The following GRXCR1 variants were observed in gnomAD, a reference collection of about 807,000 sequenced individuals.
GRXCR1 encodes glutaredoxin and cysteine rich domain containing 1.
In GRXCR1, 27 loss-of-function variants were observed where a neutral mutation model predicts 27.3. The observed-to-expected ratio is 0.99, with a 90% CI of 0.73 to 1.37. The LOEUF (loss-of-function observed/expected upper bound fraction) is 1.37, where lower values mean the gene tolerates loss of function less well. Ranked by LOEUF, GRXCR1 falls within the 40% of genes most tolerant of loss-of-function variation. GRXCR1 has a pLI of 0.00. For synonymous variants in GRXCR1, 122 were observed against 131.1 expected (o/e 0.93, Z 0.47); for missense variants, 379 against 354.4 (o/e 1.07, Z -0.56).
chr4:42,954,180 A>G (rs1747947664), intron 1 of GRXCR1, among the ~76,000 whole-genome samples: 1 of 152,140 alleles, frequency 6.6e-6, no homozygotes. Flanking sequence ...AGTATATACA[A>G]TGTAACATCC....
intron 1 of GRXCR1, among the ~76,000 whole-genome samples, chr4:42,940,423 A>G (rs1427622232): frequency 2.0e-5 from 3 of 152,034 alleles, no homozygotes; most frequent in African/African-American, 7.2e-5. Context: ...AAAACTGACT[A>G]ATTTTCAGTA....
chr4:42,934,549 G>A (rs1050436339), intron 1 of GRXCR1, among the ~76,000 whole-genome samples: 8 of 151,842 alleles, frequency 5.3e-5, no homozygotes, highest in Non-Finnish European at 7.4e-5. Flanking sequence ...CATAAAGGAA[G>A]AAATTCTTTT....
At chr4:43,026,570 G>A (rs1404693849) in intron 3 of GRXCR1, among the ~76,000 whole-genome samples, 2 of 152,072 alleles carry the variant, frequency 1.3e-5, no homozygotes, top group African/African-American at 4.8e-5. Context: ...TAGTCATAGC[G>A]TTTATCCTTT....
intron 2 of GRXCR1, among the ~76,000 whole-genome samples, chr4:42,993,724 T>C (rs1712053067): frequency 6.6e-6 from 1 of 152,162 alleles, no homozygotes; most frequent in African/African-American, 2.4e-5. Flanking sequence ...TTCTACTAAA[T>C]GTGTATCATT....
rs13131172 is a variant in GRXCR1, at chr4:42,903,336, T to A, written c.384+9686T>A. Among the ~76,000 whole-genome samples, 4 of 82,468 alleles carry A rather than the reference T, an allele frequency of 4.9e-5. No homozygotes were observed. The Admixed American group carries it at 5.2e-4, about 11-fold the overall frequency. 54.1% of individuals were successfully genotyped at this position (82,468 alleles called of 152,430 possible). A position where few individuals can be genotyped will look rare whatever the true frequency, so the allele number is the denominator to read the frequency against. On this transcript the variant is annotated intron_variant, in intron 1 of 3. Transcript: ENST00000399770. Reference sequence around the variant, plus strand: ...TTTTTTTTTTTTTTTTTTTTTTTTTTAGACGGAGTCTCTCACCCAGGCTGG... The same window carrying A: ...TTTTTTTTTTTTTTTTTTTTTTTTTAAGACGGAGTCTCTCACCCAGGCTGG...
intron 2 of GRXCR1, among the ~76,000 whole-genome samples, chr4:42,987,222 T>TATTATATATA (rs369022273): frequency 1.9e-4 from 19 of 100,594 alleles, no homozygotes; most frequent in African/African-American, 5.7e-4. Context: ...TATATATATA[T>TATTATATATA]TATATATTAT....
intron 1 of GRXCR1, among the ~76,000 whole-genome samples, chr4:42,941,039 G>A (rs1214253579): frequency 1.3e-5 from 2 of 151,924 alleles, no homozygotes; most frequent in South Asian, 2.1e-4. Flanking sequence ...ATTCCTGTGT[G>A]TATAATTCTT....
intron 2 of GRXCR1, among the ~76,000 whole-genome samples, chr4:42,966,101 G>C (rs1019114836): frequency 2.0e-5 from 3 of 152,100 alleles, no homozygotes; most frequent in African/African-American, 7.2e-5. Context: ...CTCCACAGTG[G>C]GGGGCAGGGG....
intron 1 of GRXCR1, among the ~76,000 whole-genome samples, chr4:42,943,078 G>T: frequency 6.6e-6 from 1 of 152,036 alleles, no homozygotes; most frequent in East Asian, 1.9e-4. Context: ...GGATATAGAG[G>T]TACCAGAGTT....
At chr4:42,994,300 T>C (rs2109792652) in intron 2 of GRXCR1, among the ~76,000 whole-genome samples, 1 of 152,252 alleles carries the variant, frequency 6.6e-6, no homozygotes, top group Admixed American at 6.5e-5. Context: ...TGAAGATAAT[T>C]ATGAAGTATT....
At chr4:42,959,050 A>G (rs976457677) in intron 1 of GRXCR1, among the ~76,000 whole-genome samples, 1 of 151,958 alleles carries the variant, frequency 6.6e-6, no homozygotes, top group Non-Finnish European at 1.5e-5. Flanking sequence ...ATATAACCCA[A>G]CAATCCTCAT....
intron 2 of GRXCR1, among the ~76,000 whole-genome samples, chr4:42,990,173 CTTTTTTTTTTTTTTTT>C (rs745784596): frequency 3.0e-4 from 14 of 46,200 alleles, no homozygotes; most frequent in Admixed American, 7.3e-4. Context: ...ATTATTAGTT[CTTTTTTTTTTTTTTTT>C]TTTTTTTTTT....
intron 1 of GRXCR1, among the ~76,000 whole-genome samples, chr4:42,924,036 A>T (rs1747085310): frequency 6.6e-6 from 1 of 152,094 alleles, no homozygotes; most frequent in Admixed American, 6.6e-5. Context: ...TTGTGATACT[A>T]AAGTTGACAA....
At chr4:42,942,411 G>A (rs1032220916) in intron 1 of GRXCR1, among the ~76,000 whole-genome samples, 23 of 152,162 alleles carry the variant, frequency 1.5e-4, no homozygotes, top group African/African-American at 5.3e-4. Flanking sequence ...TCAGTGGGAG[G>A]TTTTAATTAG....
At chr4:42,970,846 T>C (rs1000483079) in intron 2 of GRXCR1, among the ~76,000 whole-genome samples, 3 of 152,178 alleles carry the variant, frequency 2.0e-5, no homozygotes, top group Admixed American at 1.3e-4. Flanking sequence ...TCAGTTTTTC[T>C]TTTCTACCAC....
At chr4:42,905,263 G>A (rs1201077006) in intron 1 of GRXCR1, among the ~76,000 whole-genome samples, 2 of 152,210 alleles carry the variant, frequency 1.3e-5, no homozygotes, top group Non-Finnish European at 2.9e-5. Context: ...AACTCAGCCA[G>A]CCACCCACAT....
chr4:43,026,958 C>G (rs1300261075), intron 3 of GRXCR1, among the ~76,000 whole-genome samples: 1 of 152,162 alleles, frequency 6.6e-6, no homozygotes, highest in African/African-American at 2.4e-5. Flanking sequence ...AGAAATAGCA[C>G]ATGAATTGAA....
chr4:42,981,329 A>G (rs969279463), intron 2 of GRXCR1, among the ~76,000 whole-genome samples: 2 of 151,104 alleles, frequency 1.3e-5, no homozygotes, highest in African/African-American at 4.9e-5. Flanking sequence ...CTCCAATTTT[A>G]CTCCACAATG....
chr4:42,909,540 T>C (rs1210628316), intron 1 of GRXCR1, among the ~76,000 whole-genome samples: 1 of 152,194 alleles, frequency 6.6e-6, no homozygotes, highest in Non-Finnish European at 1.5e-5. Context: ...CATTTTCCTT[T>C]TTCTAAAATG....
Sources: allele counts gnomAD v4.1 joint callset (sites outside exome capture counted in the v4.1 genomes callset), GRCh38; gene constraint gnomAD v4.1.1; transcripts MANE v1.5; gene names NCBI Gene and HGNC (gene_info 2026-07-23, HGNC 2026-07-21).